The following OPCML variants were observed in gnomAD, a reference collection of about 807,000 sequenced individuals.
The protein encoded by OPCML is opioid binding protein/cell adhesion molecule like, also known as opioid-binding protein/cell adhesion molecule.
Under a neutral mutation model 37.8 loss-of-function variants are expected in OPCML, and 13 were observed. The observed-to-expected ratio is 0.34, with a 90% CI of 0.22 to 0.55. The LOEUF is 0.55. Ranked by LOEUF, OPCML falls within the 20% of genes least tolerant of loss-of-function variation. OPCML has a pLI of 0.91. For synonymous variants in OPCML, 176 were observed against 168.8 expected, an observed-to-expected ratio of 1.04 and a Z score of -0.33; for missense variants, 341 against 435.6, an observed-to-expected ratio of 0.78 and a Z score of 1.93.
chr11:132,868,049 G>T, intron 2 of OPCML, among the ~76,000 whole-genome samples: 1 of 152,246 alleles, frequency 6.6e-6, no homozygotes, highest in Middle Eastern at 3.4e-3. Context: ...TTTTGTGAAA[G>T]GTACTCTGAG....
At chr11:133,167,525 CT>C (rs1950225871) in intron 1 of OPCML, among the ~76,000 whole-genome samples, 1 of 125,610 alleles carries the variant, frequency 8.0e-6, no homozygotes, top group Non-Finnish European at 1.7e-5. Context: ...AGCTTTCTTT[CT>C]CTTTTTTTTT....
chr11:132,878,668 T>C (rs1943113873), intron 2 of OPCML, among the ~76,000 whole-genome samples: 1 of 152,190 alleles, frequency 6.6e-6, no homozygotes, highest in Admixed American at 6.5e-5. Context: ...TAGAGATACA[T>C]ATATAAACAG....
chr11:133,227,975 G>C (rs1722921571), intron 1 of OPCML, among the ~76,000 whole-genome samples: 1 of 152,224 alleles, frequency 6.6e-6, no homozygotes, highest in Admixed American at 6.5e-5. Context: ...GGAGTGCCCC[G>C]ACCAAGTCTG....
chr11:132,730,635 G>A (rs1446344499), intron 2 of OPCML, among the ~76,000 whole-genome samples: 1 of 152,010 alleles, frequency 6.6e-6, no homozygotes, highest in Non-Finnish European at 1.5e-5. Flanking sequence ...CTGGACCAGG[G>A]GATGTTAGAA....
chr11:133,179,988 G>A (rs549821287), intron 1 of OPCML, among the ~76,000 whole-genome samples: 8 of 152,270 alleles, frequency 5.3e-5, no homozygotes, highest in African/African-American at 1.7e-4. Flanking sequence ...ATTTGTTTTA[G>A]GCCACTAGGA....
intron 2 of OPCML, among the ~76,000 whole-genome samples, chr11:132,898,838 GC>G (rs57148567): frequency 2.6e-4 from 39 of 149,452 alleles, no homozygotes; most frequent in East Asian, 7.8e-4. Flanking sequence ...AGTTTAGACT[GC>G]CCCCCCCACC....
chr11:132,442,918 C>T (rs1427413884), intron 4 of OPCML, among the ~76,000 whole-genome samples: 2 of 152,120 alleles, frequency 1.3e-5, no homozygotes, highest in African/African-American at 2.4e-5. Context: ...AGCGTAAGAA[C>T]AGGCTAAACA....
intron 4 of OPCML, among the ~76,000 whole-genome samples, chr11:132,501,137 T>A (rs1230368554): frequency 1.3e-5 from 2 of 152,202 alleles, no homozygotes; most frequent in Non-Finnish European, 2.9e-5. Flanking sequence ...CACACTGTCT[T>A]CCTATTTAAC....
chr11:132,671,543 G>A (rs1018883707), intron 2 of OPCML, among the ~76,000 whole-genome samples: 4 of 152,086 alleles, frequency 2.6e-5, no homozygotes, highest in East Asian at 1.9e-4. Context: ...GAACTGCTCC[G>A]AGGCAACCAA....
chr11:132,536,118 G>A (rs1322619760), intron 3 of OPCML, among the ~76,000 whole-genome samples: 2 of 152,176 alleles, frequency 1.3e-5, no homozygotes, highest in Non-Finnish European at 2.9e-5. Context: ...GTCACCCAGA[G>A]CTGCCCAGCT....
At chr11:133,110,287 T>C (rs1435024928) in intron 1 of OPCML, among the ~76,000 whole-genome samples, 1 of 152,172 alleles carries the variant, frequency 6.6e-6, no homozygotes, top group Non-Finnish European at 1.5e-5. Context: ...CTCTTAATAG[T>C]GGTGACTATG....
At chr11:132,908,434 C>T (rs1016414583) in intron 2 of OPCML, among the ~76,000 whole-genome samples, 1 of 152,168 alleles carries the variant, frequency 6.6e-6, no homozygotes, top group Non-Finnish European at 1.5e-5. Flanking sequence ...CCTATAAACA[C>T]ATTATTTTCC....
intron 1 of OPCML, among the ~76,000 whole-genome samples, chr11:133,392,364 C>A (rs1945191078): frequency 6.6e-6 from 1 of 152,112 alleles, no homozygotes; most frequent in Non-Finnish European, 1.5e-5. Flanking sequence ...TTGCAACATG[C>A]CAAAAATCAC....
intron 2 of OPCML, among the ~76,000 whole-genome samples, chr11:132,744,622 T>G (rs764823240): frequency 1.3e-5 from 2 of 152,230 alleles, no homozygotes; most frequent in Admixed American, 6.5e-5. Flanking sequence ...GCATTGAGCA[T>G]GTGTTATGCA....
chr11:132,915,863 T>C (rs1003677369), intron 2 of OPCML, among the ~76,000 whole-genome samples: 2 of 152,224 alleles, frequency 1.3e-5, no homozygotes, highest in African/African-American at 4.8e-5. Context: ...ATAATCTAGA[T>C]ATTAATGCTA....
chr11:132,778,758 C>T (rs1189722300), intron 2 of OPCML, among the ~76,000 whole-genome samples: 1 of 152,026 alleles, frequency 6.6e-6, no homozygotes, highest in Non-Finnish European at 1.5e-5. Context: ...AAAATCAAGG[C>T]CTATAGAAAT....
rs34169016 is a variant in OPCML at position 133,489,835 on chromosome 11, C to CAT, written c.61+42427_61+42428dup. Among the ~76,000 whole-genome samples, 396 of 135,110 alleles carry CAT rather than the reference C, an allele frequency of 2.9e-3. 1 individual carries two copies. The highest frequency in any genetic ancestry group is 3.5e-3 in the Non-Finnish European group (229 of 64,788). 88.6% of individuals were successfully genotyped at this position (135,110 alleles called of 152,430 possible). On this transcript the variant is annotated intron_variant, in intron 1 of 7. Coordinates refer to ENST00000524381, the MANE Select transcript of OPCML (RefSeq NM_001012393.5). ...GAAAATGTGTGTGTGTGTGTATATACATATATATATATATATATTTTTTTA... is the reference window on the plus strand; with the variant it reads ...GAAAATGTGTGTGTGTGTGTATATACATATATATATATATATATATTTTTTTA...
At chr11:133,490,076 A>G (rs141730915) in intron 1 of OPCML, among the ~76,000 whole-genome samples, 1,740 of 152,296 alleles carry the variant, frequency 0.011, 40 homozygotes, top group African/African-American at 0.039. Context: ...AAAATCAGCT[A>G]TGGCTAAGGA....
rs1014853051 is a variant in OPCML at position 133,054,696 on chromosome 11, C to A, written c.62-111686G>T. On this transcript the variant is annotated intron_variant, in intron 1 of 7. Transcript: ENST00000524381. ...CTCAGTCTGCTCTCTCCTCATAAAG[C>A]CTTAGAGAGTCCAACTGCCTCTTCT... 3.9e-5 allele frequency among the ~76,000 whole-genome samples: 6 copies of A among 152,222 alleles called. No homozygotes were observed. The East Asian group carries it at 1.2e-3, about 29-fold the overall frequency.
Sources: gnomAD v4.1 joint callset for allele counts (sites outside exome capture counted in the v4.1 genomes callset) on GRCh38, gnomAD v4.1.1 for gene constraint, MANE v1.5 for transcripts, NCBI Gene and HGNC (gene_info 2026-07-23, HGNC 2026-07-21) for gene names.